FAM135A: variants seen among roughly 807,000 people sequenced by gnomAD.
The protein encoded by FAM135A is family with sequence similarity 135 member A.
A neutral mutation model predicts 146.8 loss-of-function variants in FAM135A; 79 were observed. That is an observed-to-expected ratio of 0.54 (90% CI 0.45 to 0.65). The LOEUF (loss-of-function observed/expected upper bound fraction) is 0.65. Among genes scored for constraint, FAM135A ranks in the 30% least tolerant of loss-of-function variants. The pLI is 0.00. For synonymous variants in FAM135A, 562 were observed against 603.6 expected (o/e 0.93, Z 1.01); for missense variants, 1,623 against 1,758.2 (o/e 0.92, Z 1.38).
intron 4 of FAM135A, among the ~76,000 whole-genome samples, chr6:70,437,413 T>C (rs1311134288): frequency 6.6e-6 from 1 of 152,086 alleles, no homozygotes; most frequent in Non-Finnish European, 1.5e-5. Flanking sequence ...GGGATAAAAG[T>C]TTACATATAA....
intron 13 of FAM135A, among the ~76,000 whole-genome samples, chr6:70,523,690 C>G (rs1794090072): frequency 6.6e-6 from 1 of 152,052 alleles, no homozygotes; most frequent in Non-Finnish European, 1.5e-5. Context: ...CATAGAAATT[C>G]ACTTTAAAAT....
intron 1 of FAM135A, among the ~76,000 whole-genome samples, chr6:70,414,297 T>C (rs1178218082): frequency 1.3e-5 from 2 of 152,218 alleles, no homozygotes; most frequent in Non-Finnish European, 2.9e-5. Flanking sequence ...CTGGTTCCCT[T>C]TTTGTTAGTT....
chr6:70,511,042 A>T (rs1354289029), intron 12 of FAM135A, among the ~76,000 whole-genome samples: 3 of 151,932 alleles, frequency 2.0e-5, no homozygotes, highest in Non-Finnish European at 4.4e-5. Context: ...GTGACCTTGG[A>T]CACCTTTTCA....
intron 20 of FAM135A, among the ~76,000 whole-genome samples, chr6:70,540,949 TTCA>T (rs1797806488): frequency 6.6e-6 from 1 of 152,216 alleles, no homozygotes. Context: ...CACTGCTCCC[TTCA>T]TTTCTCACAG....
intron 12 of FAM135A, among the ~76,000 whole-genome samples, chr6:70,505,884 G>A (rs1789660487): frequency 6.6e-6 from 1 of 151,808 alleles, no homozygotes; most frequent in Non-Finnish European, 1.5e-5. Flanking sequence ...TTGTTTTATA[G>A]GACTTTTTCT....
chr6:70,463,317 A>G (rs1779775150), intron 5 of FAM135A, among the ~76,000 whole-genome samples: 1 of 151,628 alleles, frequency 6.6e-6, no homozygotes, highest in South Asian at 2.1e-4. Context: ...TGGTGTGATC[A>G]TAGTTCACTA....
chr6:70,480,351 T>C (rs1009543970), intron 8 of FAM135A, among the ~76,000 whole-genome samples: 1 of 152,144 alleles, frequency 6.6e-6, no homozygotes, highest in African/African-American at 2.4e-5. Context: ...ATGACTGTAG[T>C]TCTAGCTGCT....
chr6:70,524,484 T>C lies in FAM135A; in HGVS notation c.1400T>C (p.Ile467Thr). The C allele has an allele frequency of 1.9e-6, 3 of 1,551,226 alleles. No homozygotes were observed. The highest frequency in any genetic ancestry group is 2.6e-6 in the Non-Finnish European group (3 of 1,146,778). The change falls in exon 15 of 22, where the codon ATT (isoleucine) becomes ACT (threonine). Residue 467 changes from isoleucine (I) to threonine (T), a missense_variant. Ile to Thr is a moderately conservative substitution (Grantham distance 89, BLOSUM62 -1). Coordinates refer to ENST00000418814, the MANE Select transcript of FAM135A (RefSeq NM_001162529.3). ...GTCAGACCTGCTGGTGCCTCCAGTA[T>C]TTGGTATACAGAAGGTGAAAAGCAG... ...LKVRPAGASSIWYTEGEKQLT... is the reference protein window; with the variant it reads ...LKVRPAGASSTWYTEGEKQLT...
intron 21 of FAM135A, chr6:70,557,649 A>G: frequency 7.4e-6 from 1 of 134,600 alleles, no homozygotes; most frequent in East Asian, 2.3e-4. Flanking sequence ...AGCCAAGATC[A>G]TGCTGTTGCA....
intron 12 of FAM135A, among the ~76,000 whole-genome samples, chr6:70,519,755 G>C (rs550058878): frequency 1.3e-5 from 2 of 152,264 alleles, no homozygotes; most frequent in African/African-American, 4.8e-5. Context: ...CTACAGTATA[G>C]TGTAAACATA....
Position 70,560,227 on chromosome 6 carries a change from T to C in FAM135A, c.*306T>C, listed in dbSNP as rs188798783. The C allele has an allele frequency of 3.6e-4, 85 of 237,894 alleles. No homozygotes were observed. Among genetic ancestry groups the C allele is most frequent in the Admixed American group, 1.1e-3 (20 of 18,940 alleles). 14.7% of individuals were successfully genotyped at this position (237,894 alleles called of 1,614,324 possible). A position where few individuals can be genotyped will look rare whatever the true frequency, so the allele number is the denominator to read the frequency against. On this transcript the variant is annotated 3_prime_UTR_variant, in exon 22 of 22. Transcript: ENST00000418814. ...CTGTGTCTGATTGTTTATTATTGGC[T>C]TTCCACAATTCTTACATCAGACTAC...
chr6:70,452,115 A>G (rs149173792), intron 4 of FAM135A, among the ~76,000 whole-genome samples: 1,565 of 151,824 alleles, frequency 0.01, 30 homozygotes, highest in African/African-American at 0.035. Flanking sequence ...ATAATCTTCT[A>G]TTTTCTCAAA....
intron 12 of FAM135A, chr6:70,503,327 T>A (rs946648487): frequency 2.0e-5 from 3 of 152,226 alleles, no homozygotes; most frequent in African/African-American, 7.2e-5. Context: ...AGGTTTTACG[T>A]GTTAAATAAC....
intron 10 of FAM135A, chr6:70,486,322 T>G: frequency 8.4e-7 from 1 of 1,197,060 alleles, no homozygotes; most frequent in Non-Finnish European, 1.2e-6. Flanking sequence ...TAGCATCAGA[T>G]TTCATAAATG....
chr6:70,457,986 T>G (rs1778692555), intron 5 of FAM135A, among the ~76,000 whole-genome samples: 1 of 152,134 alleles, frequency 6.6e-6, no homozygotes, highest in Non-Finnish European at 1.5e-5. Flanking sequence ...ATCTGATAGT[T>G]TACTAGTATA....
intron 2 of FAM135A, among the ~76,000 whole-genome samples, chr6:70,422,833 T>C (rs1330191234): frequency 6.6e-6 from 1 of 152,208 alleles, no homozygotes; most frequent in Non-Finnish European, 1.5e-5. Context: ...AATAGGAATA[T>C]AGCAGTGAAC....
chr6:70,415,056 A>G (rs1767257275), intron 1 of FAM135A, among the ~76,000 whole-genome samples: 1 of 152,206 alleles, frequency 6.6e-6, no homozygotes, highest in Non-Finnish European at 1.5e-5. Context: ...AAATGCATAC[A>G]ATTTCTGCTA....
In FAM135A at chr6:70,526,216, T is replaced by A. The variant is rs1289440258; in HGVS notation, c.3132T>A (p.Gly1044=). ...AAGGGCTTGTGGAAAATTATTTTGG[T>A]TCTCAAAGCAGTACGGATATTTCTG... ...VKQGLVENYF[G]SQSSTDISDT... The change falls in exon 15 of 22, where the codon GGT becomes GGA. Residue 1044 remains glycine, a synonymous_variant. Coordinates refer to ENST00000418814, the MANE Select transcript of FAM135A (RefSeq NM_001162529.3). The A allele has an allele frequency of 6.2e-7, 1 of 1,613,320 alleles. No individual in the cohort carries two copies. The highest frequency in any genetic ancestry group is 8.5e-7 in the Non-Finnish European group (1 of 1,179,590).
chr6:70,500,959 T>G (rs1473218897), intron 11 of FAM135A, among the ~76,000 whole-genome samples: 1 of 151,894 alleles, frequency 6.6e-6, no homozygotes, highest in Non-Finnish European at 1.5e-5. Context: ...GGCACGGGGG[T>G]CAGGGACCCA....
Sources: gnomAD v4.1 joint callset for allele counts (sites outside exome capture counted in the v4.1 genomes callset) on GRCh38, gnomAD v4.1.1 for gene constraint, MANE v1.5 for transcripts, NCBI Gene and HGNC (gene_info 2026-07-23, HGNC 2026-07-21) for gene names.